The following PKD1L1 variants were observed in gnomAD, a reference collection of about 807,000 sequenced individuals.
PKD1L1 encodes polycystin 1 like 1, transient receptor potential channel interacting, also known as polycystin-1-like protein 1.
Under a neutral mutation model 323.4 loss-of-function variants are expected in PKD1L1, and 236 were observed. The ratio of observed to expected loss-of-function variants is 0.73; its 90% CI spans 0.66 to 0.81. PKD1L1 has a LOEUF of 0.81. PKD1L1 is among the 40% of genes least tolerant of loss of function. The pLI, the probability that PKD1L1 is intolerant of heterozygous loss-of-function variation, is 0.00. For synonymous variants in PKD1L1, 1,344 were observed against 1,335.0 expected (o/e 1.01, Z -0.15); for missense variants, 3,320 against 3,508.0 (o/e 0.95, Z 1.35).
At chr7:47,796,500 G>A (rs1784535823) in intron 54 of PKD1L1, among the ~76,000 whole-genome samples, 1 of 152,180 alleles carries the variant, frequency 6.6e-6, no homozygotes, top group Non-Finnish European at 1.5e-5. Context: ...AGCTGTGGGT[G>A]AGCCTCAGGA....
At chr7:47,796,235 A>AGAT (rs1276888389) in intron 54 of PKD1L1, 85 bp from the exon 55 acceptor site, 7 of 1,202,648 alleles carry the variant, frequency 5.8e-6, no homozygotes, top group Non-Finnish European at 6.8e-6. Flanking sequence ...TATGCAATGG[A>AGAT]GATTATATCT....
In PKD1L1 at chr7:47,860,315, T is replaced by C. The variant is rs564412088; in HGVS notation, c.4150-1430A>G. ...TTTGTCATTCTTCTGATCGTAGGAC[T>C]AAGCATATTTATTGAAATGTATCTG... On this transcript the variant is annotated intron_variant, in intron 26 of 56. Transcript: ENST00000289672. Among the ~76,000 whole-genome samples the C allele has an allele frequency of 3.5e-4, 53 of 152,376 alleles. 1 individual carries two copies. In the South Asian group the frequency reaches 8.9e-3, roughly 26 times the overall value.
intron 56 of PKD1L1, among the ~76,000 whole-genome samples, chr7:47,788,037 CT>C (rs1786851369): frequency 6.6e-6 from 1 of 152,142 alleles, no homozygotes; most frequent in African/African-American, 2.4e-5. Flanking sequence ...AACTGACAAT[CT>C]TTTTGTCCTT....
chr7:47,871,717 A>G (rs1159095523), intron 24 of PKD1L1, among the ~76,000 whole-genome samples: 3 of 152,240 alleles, frequency 2.0e-5, no homozygotes, highest in Admixed American at 1.3e-4. Context: ...AACAAAATCC[A>G]ATACGTTTTT....
chr7:47,888,028 A>G lies in PKD1L1; in HGVS notation c.2798T>C (p.Leu933Pro). 6.2e-7 allele frequency: 1 copy of G among 1,613,920 alleles called. No individual in the cohort carries two copies. The highest frequency in any genetic ancestry group is 8.5e-7 in the Non-Finnish European group (1 of 1,179,796). The change falls in exon 17 of 57, where the codon CTC becomes CCC. Residue 933 changes from leucine to proline, a missense_variant. Coordinates refer to ENST00000289672, the MANE Select transcript of PKD1L1 (RefSeq NM_138295.5). ...CTTTTCTGTTGCATTGACTAAAAAG[A>G]GATCCCAGGAATAAGACAGATTCGG... ...EIPNLSYSWD[L>P]FLVNATEKNR...
intron 21 of PKD1L1, among the ~76,000 whole-genome samples, chr7:47,880,267 TA>T (rs1786515020): frequency 1.4e-4 from 11 of 77,504 alleles, no homozygotes; most frequent in South Asian, 4.3e-4. Context: ...TATATATACA[TA>T]TATATATATA....
At chr7:47,826,190 C>T (rs1785237403) in intron 45 of PKD1L1, among the ~76,000 whole-genome samples, 1 of 152,204 alleles carries the variant, frequency 6.6e-6, no homozygotes. Context: ...TTCCCGCCAC[C>T]ATGTTCCGTA....
chr7:47,862,358 G>C (rs1365913168), intron 26 of PKD1L1, among the ~76,000 whole-genome samples: 2 of 152,084 alleles, frequency 1.3e-5, no homozygotes, highest in African/African-American at 2.4e-5. Flanking sequence ...TGTTGGAGTG[G>C]AGCAGCCTGA....
chr7:47,960,327 C>G, the PKD1L1 span, among the ~76,000 whole-genome samples: 2 of 135,096 alleles, frequency 1.5e-5, no homozygotes, highest in South Asian at 4.7e-4. Flanking sequence ...TATGACCCTG[C>G]CAAATCCCCC....
chr7:47,795,886 G>C, intron 55 of PKD1L1, 103 bp downstream of exon 55: 2 of 1,366,636 alleles, frequency 1.5e-6, no homozygotes, highest in Non-Finnish European at 2.0e-6. Context: ...ATTTGGCATG[G>C]AAACATACTC....
At chr7:47,902,250 A>G in intron 13 of PKD1L1, 129 bp downstream of exon 13, 1 of 1,334,408 alleles carries the variant, frequency 7.5e-7, no homozygotes, top group Admixed American at 2.7e-5. Context: ...CCTTTGTGTA[A>G]ATTGCAGTAG....
intron 21 of PKD1L1, among the ~76,000 whole-genome samples, chr7:47,879,712 T>A (rs1190520532): frequency 7.3e-6 from 1 of 137,520 alleles, no homozygotes; most frequent in East Asian, 2.2e-4. Context: ...GACGGGCAGA[T>A]CACAAGGTCA....
rs756451582 is a variant in PKD1L1 at position 47,846,882 on chromosome 7, C to A, written c.5150G>T (p.Cys1717Phe). Reference sequence around the variant, plus strand: ...TCTTTCTCAAATGTGTCTATACCTGCAGTTCACTTTTTCAGGAGAAGTCCC... The same window carrying A: ...TCTTTCTCAAATGTGTCTATACCTGAAGTTCACTTTTTCAGGAGAAGTCCC... ...QPGTSPEKVNCSYHRLAAFAL... is the reference protein window; with the variant it reads ...QPGTSPEKVNFSYHRLAAFAL... Residue 1717 changes from cysteine to phenylalanine, a missense_variant, in exon 32 of 57, where the codon TGC (cysteine) becomes TTC (phenylalanine). Transcript: ENST00000289672. 3.7e-6 allele frequency: 6 copies of A among 1,602,638 alleles called. No homozygotes were observed. Among genetic ancestry groups the A allele is most frequent in the Non-Finnish European group, 5.1e-6 (6 of 1,176,880 alleles).
chr7:47,885,408 G>A (rs1786659535), intron 18 of PKD1L1, among the ~76,000 whole-genome samples: 1 of 152,124 alleles, frequency 6.6e-6, no homozygotes, highest in Admixed American at 6.5e-5. Flanking sequence ...AAGCCGGTGT[G>A]GAGTAAACAA....
rs943364389 is a variant in PKD1L1, at chr7:47,872,788, A to G, written c.3896+1111T>C. On this transcript the variant is annotated intron_variant, in intron 24 of 56. Coordinates refer to ENST00000289672, the MANE Select transcript of PKD1L1 (RefSeq NM_138295.5). ...CGGAAAATAGTTTGGTAGTTACCAT[A>G]GGACACTGTTTCCATTCCTAGTTAC... Among the ~76,000 whole-genome samples the G allele has an allele frequency of 5.3e-5, 8 of 152,368 alleles. No individual in the cohort carries two copies. The East Asian group carries it at 1.3e-3, about 26-fold the overall frequency.
Position 47,829,544 on chromosome 7 carries a change from T to C in PKD1L1, c.6616A>G (p.Thr2206Ala). The change falls in exon 44 of 57, where the codon ACT becomes GCT. Residue 2206 changes from threonine (T) to alanine (A), a missense_variant. Thr to Ala is a moderately conservative substitution (Grantham distance 58, BLOSUM62 0). Coordinates refer to ENST00000289672, the MANE Select transcript of PKD1L1 (RefSeq NM_138295.5). ...WKRRADNHFF[T>A]ESLCEATRDL... ...CTGGTAGCCTCACATAAAGACTCAGTAAAAAAGTGGTTGTCAGCTCTTCTT... is the reference window on the plus strand; with the variant it reads ...CTGGTAGCCTCACATAAAGACTCAGCAAAAAAGTGGTTGTCAGCTCTTCTT... 6.2e-7 allele frequency: 1 copy of C among 1,613,402 alleles called. No homozygotes were observed.
chr7:47,776,264 CT>C (rs1433223892), intron 56 of PKD1L1, among the ~76,000 whole-genome samples: 2 of 152,208 alleles, frequency 1.3e-5, no homozygotes, highest in Non-Finnish European at 2.9e-5. Flanking sequence ...AGTTCCAATT[CT>C]AGTCAAACCC....
chr7:47,830,204 G>A, intron 42 of PKD1L1, 80 bp from the exon 43 acceptor site: 1 of 1,226,374 alleles, frequency 8.2e-7, no homozygotes, highest in Non-Finnish European at 1.2e-6. Flanking sequence ...TAAGCACAGG[G>A]ACACTGCCTG....
chr7:47,927,317 C>T (rs1787673874), intron 7 of PKD1L1, among the ~76,000 whole-genome samples: 2 of 151,564 alleles, frequency 1.3e-5, no homozygotes, highest in African/African-American at 4.8e-5. Flanking sequence ...CTTGCCCTGT[C>T]GCCCAGGCAG....
Sources: allele counts gnomAD v4.1 joint callset (sites outside exome capture counted in the v4.1 genomes callset), GRCh38; gene constraint gnomAD v4.1.1; transcripts MANE v1.5; gene names NCBI Gene and HGNC (gene_info 2026-07-23, HGNC 2026-07-21).